The following CUL4A variants were observed in gnomAD, a reference collection of about 807,000 sequenced individuals.
The protein encoded by CUL4A is cullin 4A.
Under a neutral mutation model 95.5 loss-of-function variants are expected in CUL4A, and 16 were observed. That is an observed-to-expected ratio of 0.17 (90% CI 0.11 to 0.25). The LOEUF is 0.25. Among genes scored for constraint, CUL4A ranks in the 10% least tolerant of loss-of-function variants. The pLI is 1.00. For synonymous variants in CUL4A, 380 were observed against 353.1 expected (o/e 1.08, Z -0.85); for missense variants, 610 against 937.0 (o/e 0.65, Z 4.56).
At chr13:113,245,919 T>G in intron 14 of CUL4A, 37 bp from the exon 15 acceptor site, 1 of 1,447,884 alleles carries the variant, frequency 6.9e-7, no homozygotes, top group Non-Finnish European at 9.6e-7. Flanking sequence ...GTTTTATTAC[T>G]TTCTCAAAAT....
At chr13:113,208,970 T>G, upstream of CUL4A, 2 of 1,083,098 alleles carry the variant, frequency 1.8e-6, no homozygotes, top group Non-Finnish European at 1.1e-6. Context: ...GTCTGCCCCT[T>G]GTGAAAACCA....
At chr13:113,260,530 A>G in intron 18 of CUL4A, 77 bp from the exon 19 acceptor site, 3 of 1,340,332 alleles carry the variant, frequency 2.2e-6, no homozygotes, top group East Asian at 5.1e-5. Context: ...AGCCCAGGCA[A>G]CTGAGTGAGA....
In CUL4A at chr13:113,212,322, A is replaced by G. The variant is rs537556912; in HGVS notation, c.264+2234A>G. 1.1e-3 allele frequency among the ~76,000 whole-genome samples: 173 copies of G among 152,302 alleles called. 1 individual carries two copies. Among genetic ancestry groups the G allele is most frequent in the African/African-American group, 4.1e-3 (170 of 41,556 alleles). ...TTTAAGTTTTCAAGTCACATGTATCAGTTTGTTCTTCTATGGATTGTGCTT... is the reference window on the plus strand; with the variant it reads ...TTTAAGTTTTCAAGTCACATGTATCGGTTTGTTCTTCTATGGATTGTGCTT... On this transcript the variant is annotated intron_variant, in intron 2 of 19. Transcript: ENST00000375440.
intron 18 of CUL4A, among the ~76,000 whole-genome samples, chr13:113,256,926 G>GATTTTTTTTTTTTTTTTTTTTTTTT (rs2042137477): frequency 2.1e-5 from 1 of 47,374 alleles, no homozygotes; most frequent in African/African-American, 9.0e-5. Flanking sequence ...TTTTTTTTTC[G>GATTTTTTTTTTTTTTTTTTTTTTTT]TTTTTTTTTT....
intron 10 of CUL4A, among the ~76,000 whole-genome samples, chr13:113,240,618 A>G (rs891854425): frequency 6.6e-6 from 1 of 152,246 alleles, no homozygotes; most frequent in African/African-American, 2.4e-5. Flanking sequence ...AAGAAAAGCC[A>G]ATCACAGATA....
chr13:113,214,164 G>A (rs547116192), intron 2 of CUL4A, among the ~76,000 whole-genome samples: 1 of 152,314 alleles, frequency 6.6e-6, no homozygotes, highest in East Asian at 1.9e-4. Context: ...CTCCCTCTAC[G>A]TCTAAACACC....
Position 113,209,958 on chromosome 13 carries a change from C to A in CUL4A, c.149-15C>A, listed in dbSNP as rs897339361. ...CGGCGCGCCCTGAGCCGCCCGCTCT[C>A]CCTCCGCCCTGCAGACAGACCTCGG... On this transcript the variant is annotated splice_polypyrimidine_tract_variant and intron_variant, in intron 1 of 19. Transcript: ENST00000375440. 11 of 1,491,642 alleles carry A rather than the reference C, an allele frequency of 7.4e-6. No individual in the cohort carries two copies. In the East Asian group the frequency reaches 3.0e-4, roughly 40 times the overall value. The allele number at this position is 1,491,642 out of a possible 1,614,324, so 92.4% of individuals were successfully genotyped here. A position where few individuals can be genotyped will look rare whatever the true frequency, so the allele number is the denominator to read the frequency against.
At chr13:113,252,825 G>GC (rs2042028429) in intron 15 of CUL4A, among the ~76,000 whole-genome samples, 1 of 152,200 alleles carries the variant, frequency 6.6e-6, no homozygotes, top group East Asian at 1.9e-4. Flanking sequence ...GCAAGCCCTG[G>GC]TATGTACAGA....
chr13:113,220,811 A>T (rs2040868745), intron 3 of CUL4A, among the ~76,000 whole-genome samples: 1 of 151,940 alleles, frequency 6.6e-6, no homozygotes, highest in Non-Finnish European at 1.5e-5. Flanking sequence ...ATGGAAAGTG[A>T]CCCCCATGCC....
At chr13:113,249,262 G>A (rs1455035960) in intron 15 of CUL4A, among the ~76,000 whole-genome samples, 3 of 151,588 alleles carry the variant, frequency 2.0e-5, no homozygotes, top group Non-Finnish European at 4.4e-5. Flanking sequence ...ATACATGAGC[G>A]CTTTATTCCA....
chr13:113,246,489 C>T (rs1178838884), intron 15 of CUL4A, among the ~76,000 whole-genome samples: 2 of 152,152 alleles, frequency 1.3e-5, no homozygotes, highest in African/African-American at 2.4e-5. Context: ...GAATTCTGTG[C>T]TCAATGAAGT....
chr13:113,213,003 A>G (rs28555108), intron 2 of CUL4A, among the ~76,000 whole-genome samples: 5 of 152,188 alleles, frequency 3.3e-5, no homozygotes, highest in Non-Finnish European at 4.4e-5. Flanking sequence ...TGTGAATTTT[A>G]GAATCGGCCA....
chr13:113,229,645 A>C (rs1397837942), intron 5 of CUL4A, 126 bp downstream of exon 5: 3 of 768,720 alleles, frequency 3.9e-6, no homozygotes, highest in Non-Finnish European at 6.4e-6. Flanking sequence ...TCTTCAGCCA[A>C]AATCATTAAC....
intron 3 of CUL4A, among the ~76,000 whole-genome samples, chr13:113,226,485 A>G (rs1403142745): frequency 6.6e-6 from 1 of 152,186 alleles, no homozygotes; most frequent in Non-Finnish European, 1.5e-5. Context: ...TGTTTCGTAA[A>G]CCATAAAGCA....
At position 113,260,756 on chromosome 13, in the gene CUL4A, A is replaced by G. The variant is rs766100339; in HGVS notation, c.2181A>G (p.Val727=). The G allele has an allele frequency of 6.4e-7, 1 of 1,569,294 alleles. No homozygotes were observed. The highest frequency in any genetic ancestry group is 8.7e-7 in the Non-Finnish European group (1 of 1,155,030). Residue 727 remains valine, a synonymous_variant, in exon 19 of 20, where the codon GTA becomes GTG. Transcript: ENST00000375440. ...TATATAATCAGCTGAAATTTCCAGT[A>G]AAGGTAAATGTAACATTAGCATAAT... The part of the protein sequence containing the change: ...SELYNQLKFP[V]KPGDLKKRIE...
chr13:113,259,911 A>G (rs965942841), intron 18 of CUL4A, among the ~76,000 whole-genome samples: 7 of 152,076 alleles, frequency 4.6e-5, no homozygotes, highest in Non-Finnish European at 7.3e-5. Context: ...CTTTGCATCA[A>G]AAGAACATTT....
intron 3 of CUL4A, among the ~76,000 whole-genome samples, chr13:113,227,474 C>G (rs1470505826): frequency 6.6e-6 from 1 of 152,210 alleles, no homozygotes; most frequent in Non-Finnish European, 1.5e-5. Context: ...CCTCCTAACA[C>G]CATTACCGTA....
chr13:113,260,444 G>A (rs1398508064), intron 18 of CUL4A, among the ~76,000 whole-genome samples, 163 bp from the exon 19 acceptor site: 1 of 151,470 alleles, frequency 6.6e-6, no homozygotes, highest in Non-Finnish European at 1.5e-5. Flanking sequence ...CAGCTACTCG[G>A]GAGGCTGAGG....
At chr13:113,239,019 A>C (rs796132849) in intron 9 of CUL4A, among the ~76,000 whole-genome samples, 3 of 152,350 alleles carry the variant, frequency 2.0e-5, no homozygotes, top group African/African-American at 7.2e-5. Context: ...ATAGTTTACT[A>C]TAGGTGTGAA....
Sources: gnomAD v4.1 joint callset for allele counts (sites outside exome capture counted in the v4.1 genomes callset) on GRCh38, gnomAD v4.1.1 for gene constraint, MANE v1.5 for transcripts, NCBI Gene and HGNC (gene_info 2026-07-23, HGNC 2026-07-21) for gene names.